Variants in ZNF680 observed in about 807,000 individuals in gnomAD.
ZNF680 encodes the protein hypothetical protein FLJ90430.
In ZNF680, 6 loss-of-function variants were observed where a neutral mutation model predicts 12.1. That is an observed-to-expected ratio of 0.49 (90% CI 0.27 to 0.98). The LOEUF (loss-of-function observed/expected upper bound fraction) is 0.98. ZNF680 is among the 50% of genes least tolerant of loss of function. The probability of loss-of-function intolerance (pLI) is 0.12; values close to 1 mark genes in which losing one functional copy is unlikely to be tolerated. For missense variants in ZNF680, 561 were observed against 616.3 expected (o/e 0.91, Z 0.95); for synonymous variants, 170 against 199.3 (o/e 0.85, Z 1.24).
downstream of ZNF680, among the ~76,000 whole-genome samples, chr7:64,516,472 A>G (rs1226698016): frequency 1.1e-4 from 17 of 152,200 alleles, no homozygotes; most frequent in Admixed American, 1.1e-3. Context: ...TTATAAAACA[A>G]TAACTATTAG....
At chr7:64,507,170 G>A in the ZNF680 span, among the ~76,000 whole-genome samples, 1 of 152,118 alleles carries the variant, frequency 6.6e-6, no homozygotes, top group Non-Finnish European at 1.5e-5. Context: ...CACTATGCTA[G>A]ATGAAATAAG....
chr7:64,526,231 G>A (rs1011344935), intron 3 of ZNF680: 1 of 1,077,906 alleles, frequency 9.3e-7, no homozygotes, highest in Non-Finnish European at 1.1e-6. Context: ...ACTTGTAGAT[G>A]AAAAAGGCTA....
the ZNF680 span, chr7:64,501,033 G>T: frequency 1.4e-6 from 1 of 718,432 alleles, no homozygotes; most frequent in Non-Finnish European, 2.5e-6. Context: ...GTAGAAGAGA[G>T]AAGGGCAGAA....
chr7:64,502,297 C>T, the ZNF680 span, among the ~76,000 whole-genome samples: 7 of 152,262 alleles, frequency 4.6e-5, no homozygotes, highest in Middle Eastern at 6.8e-3. Context: ...AGGCATGAGC[C>T]ACCTTGCCCG....
At chr7:64,555,739 T>A (rs1339192015) in intron 1 of ZNF680, among the ~76,000 whole-genome samples, 1 of 121,000 alleles carries the variant, frequency 8.3e-6, no homozygotes, top group East Asian at 2.1e-4. Flanking sequence ...AAAAAATATA[T>A]ATATATATAT....
the ZNF680 span, among the ~76,000 whole-genome samples, chr7:64,513,923 C>G: frequency 2.0e-5 from 3 of 152,092 alleles, no homozygotes; most frequent in Non-Finnish European, 2.9e-5. Flanking sequence ...GGATTACAGG[C>G]GTGAGCCACC....
chr7:64,554,929 T>C (rs914440951), intron 1 of ZNF680, among the ~76,000 whole-genome samples: 1 of 152,158 alleles, frequency 6.6e-6, no homozygotes, highest in African/African-American at 2.4e-5. Flanking sequence ...CCCTCCACTA[T>C]TGTCCTATGA....
At chr7:64,507,281 C>G in the ZNF680 span, among the ~76,000 whole-genome samples, 1 of 152,010 alleles carries the variant, frequency 6.6e-6, no homozygotes, top group Admixed American at 6.5e-5. Flanking sequence ...TTACCAGAGA[C>G]TGGGGGTGGT....
At chr7:64,522,632 G>T in intron 3 of ZNF680, 132 bp from the exon 4 acceptor site, 16 of 617,394 alleles carry the variant, frequency 2.6e-5, no homozygotes, top group Non-Finnish European at 3.2e-5. Flanking sequence ...AATCCTAAAA[G>T]TTAAAAAAAA....
chr7:64,536,922 T>A (rs73130748), intron 3 of ZNF680, among the ~76,000 whole-genome samples: 30,235 of 151,618 alleles, frequency 0.2, 3,379 homozygotes, highest in South Asian at 0.28. Flanking sequence ...TCAAAAAAAA[T>A]AGCTAGACAT....
rs748274143 is a variant in ZNF680 at position 64,521,932 on chromosome 7, G to A, written c.822C>T (p.Ala274=). Residue 274 remains alanine, a synonymous_variant, in exon 4 of 4, where the codon GCC becomes GCT. Coordinates refer to ENST00000309683, the MANE Select transcript of ZNF680 (RefSeq NM_178558.5). ...KPFKCEECGK[A]FSLFSILSKH... ...TACTAAGGATTGAGAATAAACTAAA[G>A]GCTTTGCCACATTCTTCACATTTGA... 1.2e-5 allele frequency: 20 copies of A among 1,609,798 alleles called. No individual in the cohort carries two copies. The East Asian group carries it at 2.2e-4, about 18-fold the overall frequency.
chr7:64,542,789 C>G (rs1259355811), intron 3 of ZNF680, among the ~76,000 whole-genome samples: 1 of 152,176 alleles, frequency 6.6e-6, no homozygotes, highest in Non-Finnish European at 1.5e-5. Context: ...GCCTCCACCT[C>G]CTGTGTTAAA....
chr7:64,517,837 T>C (rs1562727681), downstream of ZNF680, among the ~76,000 whole-genome samples: 1 of 151,790 alleles, frequency 6.6e-6, no homozygotes, highest in Non-Finnish European at 1.5e-5. Flanking sequence ...TTATGAACAA[T>C]GATCATCTCA....
At chr7:64,516,615 T>C (rs1246019710), downstream of ZNF680, among the ~76,000 whole-genome samples, 1 of 152,188 alleles carries the variant, frequency 6.6e-6, no homozygotes, top group Admixed American at 6.5e-5. Flanking sequence ...CTGGAACAAA[T>C]GGGCTTAACA....
At chr7:64,555,335 A>C (rs1052574816) in intron 1 of ZNF680, among the ~76,000 whole-genome samples, 41 of 120,426 alleles carry the variant, frequency 3.4e-4, no homozygotes, top group African/African-American at 1.3e-3. Context: ...ATAAAAATAT[A>C]ATTCAATACC....
In ZNF680 at chr7:64,542,752, G is replaced by C. The variant is rs563891601; in HGVS notation, c.253+955C>G. ...GAGTCTCTGTCACACAGGCTGGAGT[G>C]CAGTGGTACAATCTCAGCTCACTGC... On this transcript the variant is annotated intron_variant, in intron 3 of 3. Transcript: ENST00000309683. Among the ~76,000 whole-genome samples, 321 of 152,290 alleles carry C rather than the reference G, an allele frequency of 2.1e-3. 3 individuals are homozygous for C. Among genetic ancestry groups the C allele is most frequent in the African/African-American group, 7.4e-3 (306 of 41,564 alleles).
At chr7:64,505,289 T>C in the ZNF680 span, among the ~76,000 whole-genome samples, 1 of 152,236 alleles carries the variant, frequency 6.6e-6, no homozygotes, top group Non-Finnish European at 1.5e-5. Flanking sequence ...AAACTACATA[T>C]ATAACTCCAT....
At chr7:64,504,333 G>T in the ZNF680 span, among the ~76,000 whole-genome samples, 1 of 152,092 alleles carries the variant, frequency 6.6e-6, no homozygotes, top group Non-Finnish European at 1.5e-5. Flanking sequence ...CACTTGTTTG[G>T]GTGGTATTCA....
intron 1 of ZNF680, among the ~76,000 whole-genome samples, chr7:64,561,934 C>CAAAAAAGAAAAAAAAAAAAAAAA (rs1787763358): frequency 1.2e-5 from 1 of 80,320 alleles, no homozygotes; most frequent in Non-Finnish European, 2.7e-5. Context: ...GACTCCGTCT[C>CAAAAAAGAAAAAAAAAAAAAAAA]AAAAAAAAAA....
Sources: gnomAD v4.1 joint callset for allele counts (sites outside exome capture counted in the v4.1 genomes callset) on GRCh38, gnomAD v4.1.1 for gene constraint, MANE v1.5 for transcripts, NCBI Gene and HGNC (gene_info 2026-07-23, HGNC 2026-07-21) for gene names.